The following FAM13A variants were observed in gnomAD, a reference collection of about 807,000 sequenced individuals.
FAM13A encodes the protein family with sequence similarity 13 member A, also known as protein FAM13A.
A neutral mutation model predicts 129.6 loss-of-function variants in FAM13A; 76 were observed. That is an observed-to-expected ratio of 0.59 (90% CI 0.49 to 0.71). The LOEUF is 0.71. Ranked by LOEUF, FAM13A falls within the 30% of genes least tolerant of loss-of-function variation. The pLI is 0.00. For synonymous variants in FAM13A, 443 were observed against 449.9 expected (o/e 0.98, Z 0.20); for missense variants, 1,108 against 1,249.3 (o/e 0.89, Z 1.70).
chr4:88,732,890 C>A (rs1738152203), intron 21 of FAM13A, among the ~76,000 whole-genome samples: 1 of 149,968 alleles, frequency 6.7e-6, no homozygotes, highest in African/African-American at 2.5e-5. Flanking sequence ...ATTGATAATG[C>A]AAATAGAAAA....
intron 1 of FAM13A, among the ~76,000 whole-genome samples, chr4:89,049,039 T>C (rs1378105669): frequency 6.6e-6 from 1 of 152,254 alleles, no homozygotes; most frequent in Non-Finnish European, 1.5e-5. Flanking sequence ...CTTGCCATCA[T>C]TTCTCAACAC....
chr4:88,947,400 C>CT (rs1756086464), intron 4 of FAM13A, among the ~76,000 whole-genome samples: 2 of 152,112 alleles, frequency 1.3e-5, no homozygotes, highest in Admixed American at 1.3e-4. Context: ...CAGAGAGAAA[C>CT]TGTCTCAAAA....
chr4:88,810,983 T>C (rs1203326673), intron 7 of FAM13A, among the ~76,000 whole-genome samples: 1 of 152,166 alleles, frequency 6.6e-6, no homozygotes, highest in Non-Finnish European at 1.5e-5. Flanking sequence ...AAAATACTGT[T>C]CTAGAACACT....
chr4:88,852,265 G>A (rs1476373135), intron 6 of FAM13A, among the ~76,000 whole-genome samples: 1 of 151,648 alleles, frequency 6.6e-6, no homozygotes, highest in Non-Finnish European at 1.5e-5. Context: ...GGGTTCAAGC[G>A]ATTCTCCTTC....
intron 6 of FAM13A, among the ~76,000 whole-genome samples, chr4:88,867,069 C>T (rs1246068342): frequency 6.6e-6 from 1 of 152,162 alleles, no homozygotes; most frequent in Non-Finnish European, 1.5e-5. Context: ...TTAGTAAATA[C>T]CGAATCATTG....
intron 4 of FAM13A, among the ~76,000 whole-genome samples, chr4:88,939,920 T>C (rs578136735): frequency 6.6e-6 from 1 of 152,242 alleles, no homozygotes; most frequent in East Asian, 1.9e-4. Context: ...TGGAAGCAAA[T>C]CATTCCCCAA....
intron 1 of FAM13A, among the ~76,000 whole-genome samples, chr4:89,032,355 T>G (rs1215723496): frequency 3.9e-5 from 6 of 152,204 alleles, no homozygotes; most frequent in Non-Finnish European, 8.8e-5. Context: ...GACTGGACTA[T>G]CTGGAGCATA....
intron 3 of FAM13A, among the ~76,000 whole-genome samples, chr4:89,011,808 C>G (rs555593769): frequency 2.0e-5 from 3 of 152,280 alleles, no homozygotes; most frequent in African/African-American, 7.2e-5. Flanking sequence ...CCACCATAAT[C>G]CAGGCTGGTT....
At chr4:89,004,558 T>G (rs1411520710) in intron 3 of FAM13A, among the ~76,000 whole-genome samples, 1 of 152,248 alleles carries the variant, frequency 6.6e-6, no homozygotes, top group East Asian at 1.9e-4. Context: ...TTTTTTCCCT[T>G]TTCCTTCTCC....
At chr4:88,843,826 G>C (rs1578919454) in intron 7 of FAM13A, among the ~76,000 whole-genome samples, 1 of 152,344 alleles carries the variant, frequency 6.6e-6, no homozygotes, top group African/African-American at 2.4e-5. Context: ...CTCCCAGAGA[G>C]ATGGACAGAC....
At chr4:88,866,742 C>G (rs2150059452) in intron 6 of FAM13A, among the ~76,000 whole-genome samples, 1 of 152,174 alleles carries the variant, frequency 6.6e-6, no homozygotes, top group South Asian at 2.1e-4. Flanking sequence ...GTTTGTAGAG[C>G]AGTTGGAACC....
At chr4:88,812,016 T>G (rs1040299069) in intron 7 of FAM13A, among the ~76,000 whole-genome samples, 1 of 152,080 alleles carries the variant, frequency 6.6e-6, no homozygotes, top group Non-Finnish European at 1.5e-5. Context: ...AAGGATGAGT[T>G]TGACACTCTC....
intron 2 of FAM13A, among the ~76,000 whole-genome samples, chr4:89,022,256 T>C (rs1347800322): frequency 6.6e-6 from 1 of 152,128 alleles, no homozygotes; most frequent in Non-Finnish European, 1.5e-5. Context: ...TACTTTTAAG[T>C]TCTTTAATTC....
At chr4:88,938,825 A>G (rs1240706687) in intron 4 of FAM13A, among the ~76,000 whole-genome samples, 1 of 152,220 alleles carries the variant, frequency 6.6e-6, no homozygotes, top group African/African-American at 2.4e-5. Context: ...TAAACAAGGT[A>G]AAAAGATAAT....
Position 88,730,354 on chromosome 4 carries a change from C to T in FAM13A, c.2945+973G>A, listed in dbSNP as rs763492999. Reference sequence around the variant, plus strand: ...TAAATTGTGCCTTAAAATTCACTGGCGAGAGGCAGCCCATCAACCAGGTAG... The same window carrying T: ...TAAATTGTGCCTTAAAATTCACTGGTGAGAGGCAGCCCATCAACCAGGTAG... On this transcript the variant is annotated intron_variant, in intron 23 of 23. Transcript: ENST00000264344. 7.2e-5 allele frequency among the ~76,000 whole-genome samples: 11 copies of T among 152,136 alleles called. 1 individual carries two copies. The highest frequency in any genetic ancestry group is 1.3e-4 in the Non-Finnish European group (9 of 68,024).
chr4:88,925,533 C>T (rs1013903886), intron 5 of FAM13A, among the ~76,000 whole-genome samples: 1 of 125,598 alleles, frequency 8.0e-6, no homozygotes, highest in South Asian at 2.4e-4. Flanking sequence ...GGAAGGGGAA[C>T]ATCACACTCT....
intron 3 of FAM13A, among the ~76,000 whole-genome samples, chr4:89,009,407 G>A (rs1765457388): frequency 1.3e-5 from 2 of 152,148 alleles, no homozygotes; most frequent in Non-Finnish European, 1.5e-5. Flanking sequence ...TCTTCCTTGG[G>A]CTGTAATAAG....
At chr4:88,889,619 T>C (rs1745018606) in intron 6 of FAM13A, among the ~76,000 whole-genome samples, 1 of 152,196 alleles carries the variant, frequency 6.6e-6, no homozygotes. Context: ...TCCAAGAATG[T>C]TACTGAGTTC....
rs186128583 is a variant in FAM13A, at chr4:88,953,989, A to G, written c.606-15748T>C. Among the ~76,000 whole-genome samples the G allele has an allele frequency of 5.9e-5, 9 of 152,354 alleles. No individual in the cohort carries two copies. The East Asian group carries it at 1.2e-3, about 20-fold the overall frequency. ...TAAGAACAATGCAAAAATTCTGGTC[A>G]GCCTCTACCCAAACCAAAATGAGCC... On this transcript the variant is annotated intron_variant, in intron 4 of 23. Transcript: ENST00000264344.
Sources: gnomAD v4.1 joint callset for allele counts (sites outside exome capture counted in the v4.1 genomes callset) on GRCh38, gnomAD v4.1.1 for gene constraint, MANE v1.5 for transcripts, NCBI Gene and HGNC (gene_info 2026-07-23, HGNC 2026-07-21) for gene names.